The following PCDH9 variants were observed in gnomAD, a reference collection of about 807,000 sequenced individuals.
The protein encoded by PCDH9 is protocadherin-9.
Under a neutral mutation model 70.6 loss-of-function variants are expected in PCDH9, and 24 were observed. The ratio of observed to expected loss-of-function variants is 0.34; its 90% CI spans 0.25 to 0.48. PCDH9 has a LOEUF of 0.48. PCDH9 is among the 20% of genes least tolerant of loss of function. The probability of loss-of-function intolerance (pLI) is 0.99; values close to 1 mark genes in which losing one functional copy is unlikely to be tolerated. For synonymous variants in PCDH9, 562 were observed against 558.5 expected (o/e 1.01, Z -0.09); for missense variants, 1,281 against 1,503.6 (o/e 0.85, Z 2.45).
chr13:67,086,068 A>C (rs2086101950), intron 2 of PCDH9, among the ~76,000 whole-genome samples: 1 of 152,182 alleles, frequency 6.6e-6, no homozygotes, highest in African/African-American at 2.4e-5. Context: ...CTATACAAGC[A>C]TAACTATGGG....
At chr13:66,968,422 A>G (rs7987478) in intron 2 of PCDH9, among the ~76,000 whole-genome samples, 106,873 of 151,830 alleles carry the variant, frequency 0.7, 40,043 homozygotes, top group East Asian at 0.97. Context: ...TCACAGCATG[A>G]CTCATAGTCC....
chr13:66,671,749 G>C (rs1317011876), intron 3 of PCDH9, among the ~76,000 whole-genome samples: 1 of 152,136 alleles, frequency 6.6e-6, no homozygotes, highest in Non-Finnish European at 1.5e-5. Context: ...TGTGACTTGG[G>C]TGCTCTTAAA....
intron 2 of PCDH9, among the ~76,000 whole-genome samples, chr13:66,907,363 A>G (rs763365300): frequency 6.6e-6 from 1 of 152,214 alleles, no homozygotes; most frequent in Non-Finnish European, 1.5e-5. Flanking sequence ...ATCAAACTTG[A>G]GAAGTCTAAA....
chr13:66,554,578 C>A (rs1361032050), intron 4 of PCDH9, among the ~76,000 whole-genome samples: 1 of 151,896 alleles, frequency 6.6e-6, no homozygotes, highest in Non-Finnish European at 1.5e-5. Flanking sequence ...ACTTTTAAAA[C>A]CTCAAAAAAT....
chr13:66,706,994 A>G (rs922720290), intron 3 of PCDH9, among the ~76,000 whole-genome samples: 1 of 152,146 alleles, frequency 6.6e-6, no homozygotes. Context: ...CAAAGCTTTG[A>G]GCCAAAGGTA....
At chr13:66,756,662 A>C (rs1377428151) in intron 3 of PCDH9, among the ~76,000 whole-genome samples, 1 of 152,116 alleles carries the variant, frequency 6.6e-6, no homozygotes, top group African/African-American at 2.4e-5. Flanking sequence ...TTTTCAAAAA[A>C]CATGCTTGTG....
intron 2 of PCDH9, among the ~76,000 whole-genome samples, chr13:66,915,255 A>T (rs1158133034): frequency 1.3e-5 from 2 of 151,694 alleles, no homozygotes; most frequent in Admixed American, 1.3e-4. Flanking sequence ...AGGAAAAACA[A>T]TATATAAAGT....
intron 2 of PCDH9, among the ~76,000 whole-genome samples, chr13:67,018,616 C>CAAAAA (rs1555297704): frequency 2.6e-5 from 2 of 76,746 alleles, no homozygotes; most frequent in Admixed American, 1.4e-4. Context: ...AGACTCGTCT[C>CAAAAA]AAAAAAAAAA....
intron 3 of PCDH9, among the ~76,000 whole-genome samples, chr13:66,731,985 T>C (rs927994724): frequency 4.6e-5 from 7 of 152,024 alleles, no homozygotes; most frequent in Admixed American, 3.9e-4. Flanking sequence ...CAAGAGTACA[T>C]TGGCTTTGAA....
intron 4 of PCDH9, among the ~76,000 whole-genome samples, chr13:66,324,495 A>G (rs1955808405): frequency 6.6e-6 from 1 of 152,094 alleles, no homozygotes; most frequent in Admixed American, 6.5e-5. Context: ...ACAAGGCCAC[A>G]TGCTGCTGCC....
intron 4 of PCDH9, among the ~76,000 whole-genome samples, chr13:66,567,006 G>A (rs567048801): frequency 7.9e-5 from 12 of 151,996 alleles, no homozygotes; most frequent in Non-Finnish European, 1.3e-4. Context: ...AAATAAAAAT[G>A]ATATATGAAT....
chr13:67,118,846 T>C (rs2086826745), intron 2 of PCDH9, among the ~76,000 whole-genome samples: 1 of 152,180 alleles, frequency 6.6e-6, no homozygotes, highest in Non-Finnish European at 1.5e-5. Flanking sequence ...ATTTTCTGGA[T>C]GTCACCACAA....
At chr13:67,006,929 G>A (rs781394365) in intron 2 of PCDH9, among the ~76,000 whole-genome samples, 2 of 151,916 alleles carry the variant, frequency 1.3e-5, no homozygotes, top group Non-Finnish European at 2.9e-5. Context: ...CATTTTAAAG[G>A]GAAATGATGT....
At chr13:66,892,813 AAAAATACCTTTACGTCTTTCAT>A (rs1487637443) in intron 3 of PCDH9, among the ~76,000 whole-genome samples, 1 of 152,098 alleles carries the variant, frequency 6.6e-6, no homozygotes, top group Non-Finnish European at 1.5e-5. Flanking sequence ...AGGGACTTCA[AAAAATACCTTTACGTCTTTCAT>A]AACAAGTATG....
chr13:66,794,186 T>C (rs537692737), intron 3 of PCDH9, among the ~76,000 whole-genome samples: 1 of 152,090 alleles, frequency 6.6e-6, no homozygotes, highest in South Asian at 2.1e-4. Context: ...AAACGTAGAC[T>C]GTAATGTTAA....
chr13:66,912,181 A>G (rs1028769301), intron 2 of PCDH9, among the ~76,000 whole-genome samples: 9 of 152,174 alleles, frequency 5.9e-5, no homozygotes, highest in Non-Finnish European at 8.8e-5. Flanking sequence ...ACATTTCCAG[A>G]TTAAATTGAA....
At chr13:66,459,519 A>C (rs1198324393) in intron 4 of PCDH9, among the ~76,000 whole-genome samples, 1 of 151,682 alleles carries the variant, frequency 6.6e-6, no homozygotes, top group African/African-American at 2.4e-5. Flanking sequence ...GTATGAGGGT[A>C]TATTCATTGA....
At chr13:66,920,971 C>A (rs1214581198) in intron 2 of PCDH9, among the ~76,000 whole-genome samples, 1 of 151,242 alleles carries the variant, frequency 6.6e-6, no homozygotes, top group Non-Finnish European at 1.5e-5. Context: ...CTACCATTTA[C>A]ATAAAACTAT....
At chr13:66,633,777 TA>T (rs1337119193) in intron 3 of PCDH9, among the ~76,000 whole-genome samples, 2 of 151,746 alleles carry the variant, frequency 1.3e-5, no homozygotes, top group East Asian at 3.9e-4. Flanking sequence ...AAGACAGAAG[TA>T]AAAAAGAAAA....
Sources: gnomAD v4.1 joint callset for allele counts (sites outside exome capture counted in the v4.1 genomes callset) on GRCh38, gnomAD v4.1.1 for gene constraint, MANE v1.5 for transcripts, NCBI Gene and HGNC (gene_info 2026-07-23, HGNC 2026-07-21) for gene names.